The following CAMSAP3 variants were observed in gnomAD, a reference collection of about 807,000 sequenced individuals.
CAMSAP3 encodes the protein calmodulin-regulated spectrin-associated protein 3.
Under a neutral mutation model 112.5 loss-of-function variants are expected in CAMSAP3, and 34 were observed. The observed-to-expected ratio is 0.30, with a 90% CI of 0.23 to 0.40. The LOEUF is 0.40. Ranked by LOEUF, CAMSAP3 falls within the 10% of genes least tolerant of loss-of-function variation. The probability of loss-of-function intolerance (pLI) is 1.00; values close to 1 mark genes in which losing one functional copy is unlikely to be tolerated. For missense variants in CAMSAP3, 1,602 were observed against 1,770.3 expected, an observed-to-expected ratio of 0.90 and a Z score of 1.71; for synonymous variants, 868 against 799.8, an observed-to-expected ratio of 1.09 and a Z score of -1.44.
At chr19:7,606,136 G>GGCCCCCCCCCCCCCCCCCCC in intron 2 of CAMSAP3, 135 bp from the exon 3 acceptor site, 1 of 511,798 alleles carries the variant, frequency 2.0e-6, no homozygotes. Flanking sequence ...TGAACCACTG[G>GGCCCCCCCCCCCCCCCCCCC]CCCCGCCCCC....
intron 2 of CAMSAP3, among the ~76,000 whole-genome samples, chr19:7,605,836 C>A (rs142763943): frequency 6.7e-6 from 1 of 149,982 alleles, no homozygotes; most frequent in Non-Finnish European, 1.5e-5. Flanking sequence ...CCCTTAAGCT[C>A]TGTCCATCAA....
intron 1 of CAMSAP3, among the ~76,000 whole-genome samples, chr19:7,602,618 A>T (rs907031744): frequency 4.0e-5 from 6 of 151,118 alleles, no homozygotes; most frequent in African/African-American, 1.5e-4. Flanking sequence ...GGGGGCAGGG[A>T]GGAGGGGAGG....
rs927429440 is a variant in CAMSAP3 at position 7,610,387 on chromosome 19, C to T, written c.761-89C>T. Reference sequence around the variant, plus strand: ...GAAGCTGGGCTCATAGGAGGTCTTCCGTGTGTGGGGGACTGCTGGTCCCTG... The same window carrying T: ...GAAGCTGGGCTCATAGGAGGTCTTCTGTGTGTGGGGGACTGCTGGTCCCTG... On this transcript the variant is annotated intron_variant, in intron 5 of 16. Coordinates refer to ENST00000160298, the MANE Select transcript of CAMSAP3 (RefSeq NM_020902.2). This position sits in a 1 kb window ranked among gnomAD's most constrained non-coding sequence, Gnocchi z 4.9. 36 of 1,231,620 alleles carry T rather than the reference C, an allele frequency of 2.9e-5. No homozygotes were observed. The highest frequency in any genetic ancestry group is 1.3e-4 in the Admixed American group (6 of 44,574). The allele number at this position is 1,231,620 out of a possible 1,614,324, so 76.3% of individuals were successfully genotyped here. A position where few individuals can be genotyped will look rare whatever the true frequency, so the allele number is the denominator to read the frequency against.
intron 2 of CAMSAP3, 120 bp from the exon 3 acceptor site, chr19:7,606,151 G>GCCCC (rs1294171342): frequency 1.2e-3 from 190 of 153,274 alleles, no homozygotes; most frequent in African/African-American, 2.0e-3. Flanking sequence ...GCCCCCTCAA[G>GCCCC]CCCCACCCCC....
intron 13 of CAMSAP3, among the ~76,000 whole-genome samples, chr19:7,616,243 G>A (rs117986665): frequency 0.018 from 2,812 of 152,128 alleles, 141 homozygotes; most frequent in Admixed American, 0.12. Flanking sequence ...GGTGCAGTGG[G>A]ATGAGGGGTC....
chr19:7,604,362 A>G (rs1488472399), intron 1 of CAMSAP3, among the ~76,000 whole-genome samples: 1 of 151,834 alleles, frequency 6.6e-6, no homozygotes, highest in Non-Finnish European at 1.5e-5. Flanking sequence ...ATGTGACCTC[A>G]CCATCTCTCT....
chr19:7,610,836 G>A lies in CAMSAP3; in HGVS notation c.995-41G>A, dbSNP rs768518573. On this transcript the variant is annotated intron_variant, in intron 7 of 16. Transcript: ENST00000160298. This position sits in a 1 kb window ranked among gnomAD's most constrained non-coding sequence, Gnocchi z 4.9. ...TGGGGGCCGGGTCGGGGGCGGGTGG[G>A]AGAGCCAAACCCCCGCCTGACCCTC... The A allele has an allele frequency of 1.2e-6, 2 of 1,600,228 alleles. No individual in the cohort carries two copies. The highest frequency in any genetic ancestry group is 1.7e-6 in the Non-Finnish European group (2 of 1,170,474).
intron 1 of CAMSAP3, among the ~76,000 whole-genome samples, chr19:7,601,892 C>G (rs1214327262): frequency 6.6e-6 from 1 of 151,140 alleles, no homozygotes. Context: ...GGTGAAACCC[C>G]ATCTCTACTA....
Position 7,615,415 on chromosome 19 carries a change from C to A in CAMSAP3, c.2811-3C>A. Reference sequence around the variant, plus strand: ...TCTGATGCCGATTCCCTGTGATCTGCAGGCTGGCCCAAGAGGAGGCCCCGG... The same window carrying A: ...TCTGATGCCGATTCCCTGTGATCTGAAGGCTGGCCCAAGAGGAGGCCCCGG... On this transcript the variant is annotated splice_region_variant and splice_polypyrimidine_tract_variant and intron_variant, in intron 12 of 16. Coordinates refer to ENST00000160298, the MANE Select transcript of CAMSAP3 (RefSeq NM_020902.2). The surrounding 1 kb of genome is among the most constrained non-coding windows in gnomAD (Gnocchi z 6.5). 1 of 1,540,194 alleles carries A rather than the reference C, an allele frequency of 6.5e-7. No homozygotes were observed. Among genetic ancestry groups the A allele is most frequent in the East Asian group, 2.4e-5 (1 of 40,854 alleles).
chr19:7,607,966 G>T lies in CAMSAP3; in HGVS notation c.622-160G>T. The T allele has an allele frequency of 1.1e-6, 1 of 897,710 alleles. No individual in the cohort carries two copies. Among genetic ancestry groups the T allele is most frequent in the Non-Finnish European group, 1.8e-6 (1 of 562,758 alleles). The allele number at this position is 897,710 out of a possible 1,614,324, so 55.6% of individuals were successfully genotyped here. ...GACATCTCCTCTGCCTCTTGCTGCT[G>T]CCCCTCCCCTGCTCCAGGCTGGCCC... On this transcript the variant is annotated intron_variant, in intron 4 of 16. Coordinates refer to ENST00000160298, the MANE Select transcript of CAMSAP3 (RefSeq NM_020902.2). This position sits in a 1 kb window ranked among gnomAD's most constrained non-coding sequence, Gnocchi z 4.9.
chr19:7,612,262 C>A lies in CAMSAP3; in HGVS notation c.1769C>A (p.Pro590Gln). Residue 590 changes from proline to glutamine, a missense_variant, in exon 11 of 17, where the codon CCG becomes CAG. Pro to Gln is a moderately conservative substitution (Grantham distance 76). Coordinates refer to ENST00000160298, the MANE Select transcript of CAMSAP3 (RefSeq NM_020902.2). ...EAGAGSPTSTPAPPEALSSEM... is the reference protein window; with the variant it reads ...EAGAGSPTSTQAPPEALSSEM... Reference sequence around the variant, plus strand: ...GGAGCGGGGTCCCCCACGTCCACTCCGGCCCCGCCGGAGGCCCTGAGCTCG... The same window carrying A: ...GGAGCGGGGTCCCCCACGTCCACTCAGGCCCCGCCGGAGGCCCTGAGCTCG... 6.3e-7 allele frequency: 1 copy of A among 1,590,986 alleles called. No individual in the cohort carries two copies. Among genetic ancestry groups the A allele is most frequent in the East Asian group, 2.3e-5 (1 of 43,528 alleles).
chr19:7,610,142 C>T lies in CAMSAP3; in HGVS notation c.761-334C>T, dbSNP rs1345723527. On this transcript the variant is annotated intron_variant, in intron 5 of 16. Transcript: ENST00000160298. This position sits in a 1 kb window ranked among gnomAD's most constrained non-coding sequence, Gnocchi z 4.9. ...GACCATCCTGGCTAACACGGTGAAA[C>T]CCCATCTCTACTAAAACCACAAAAA... 6.6e-6 allele frequency among the ~76,000 whole-genome samples: 1 copy of T among 151,976 alleles called. No homozygotes were observed. The highest frequency in any genetic ancestry group is 1.9e-4 in the East Asian group (1 of 5,188).
chr19:7,614,055 A>G (rs1328983634), intron 11 of CAMSAP3, among the ~76,000 whole-genome samples: 1 of 151,848 alleles, frequency 6.6e-6, no homozygotes, highest in Non-Finnish European at 1.5e-5. Context: ...AGGTCAGGAG[A>G]TCGAGACCAT....
In CAMSAP3 at chr19:7,595,870, G is replaced by A. The variant is rs2024423478; in HGVS notation, c.-133G>A. 1 of 321,292 alleles carries A rather than the reference G, an allele frequency of 3.1e-6. No homozygotes were observed. The highest frequency in any genetic ancestry group is 4.4e-6 in the Non-Finnish European group (1 of 228,814). 19.9% of individuals were successfully genotyped at this position (321,292 alleles called of 1,614,324 possible). A position where few individuals can be genotyped will look rare whatever the true frequency, so the allele number is the denominator to read the frequency against. ...TCGCCAGCGCAAGCGGCCGCACCTG[G>A]CTCAGCAGCGGCGGCGGCGGCGGCG... is the stretch of plus-strand genomic sequence containing the variant. On this transcript the variant is annotated 5_prime_UTR_variant, in exon 1 of 17. Transcript: ENST00000160298.
At position 7,615,640 on chromosome 19, in the gene CAMSAP3, C is replaced by T; in HGVS notation, c.3033C>T (p.Gly1011=). Residue 1011 remains glycine (G), a synonymous_variant, in exon 13 of 17, where the codon GGC becomes GGT. Coordinates refer to ENST00000160298, the MANE Select transcript of CAMSAP3 (RefSeq NM_020902.2). This position sits in a 1 kb window ranked among gnomAD's most constrained non-coding sequence, Gnocchi z 6.5. ...RAAGSGGPGR[G]GRRATRPRSG... is the part of the protein sequence containing the mutation. ...CGGGGTCCGGGGGTCCAGGTCGGGG[C>T]GGGCGGAGGGCCACCCGGCCTCGCT... is the stretch of plus-strand genomic sequence containing the variant. The T allele has an allele frequency of 3.5e-6, 5 of 1,431,424 alleles. No homozygotes were observed. Among genetic ancestry groups the T allele is most frequent in the Non-Finnish European group, 4.6e-6 (5 of 1,096,636 alleles). The allele number at this position is 1,431,424 out of a possible 1,614,324, so 88.7% of individuals were successfully genotyped here. A position where few individuals can be genotyped will look rare whatever the true frequency, so the allele number is the denominator to read the frequency against.
At chr19:7,596,246 G>A in intron 1 of CAMSAP3, 96 bp downstream of exon 1, 2 of 652,212 alleles carry the variant, frequency 3.1e-6, no homozygotes, top group South Asian at 6.7e-5. Flanking sequence ...GCAGGGGGCC[G>A]TGGGAACAAT....
chr19:7,616,466 G>A, intron 13 of CAMSAP3, 57 bp from the exon 14 acceptor site: 1 of 1,215,076 alleles, frequency 8.2e-7, no homozygotes, highest in Non-Finnish European at 1.2e-6. Context: ...TGCTGGACCG[G>A]GTGTTGTGGA....
At position 7,607,787 on chromosome 19, in the gene CAMSAP3, TC is replaced by T; in HGVS notation, c.622-334del. 5 of 862,464 alleles carry T rather than the reference TC, an allele frequency of 5.8e-6. No homozygotes were observed. Among genetic ancestry groups the T allele is most frequent in the South Asian group, 2.0e-5 (1 of 49,554 alleles). The allele number at this position is 862,464 out of a possible 1,614,324, so 53.4% of individuals were successfully genotyped here. ...TGGGGGCCCAGCAGGTCAGCACCCC[TC>T]CCCCTTGCTGATGGCTGCTCCTCTC... On this transcript the variant is annotated intron_variant, in intron 4 of 16. Transcript: ENST00000160298. This position sits in a 1 kb window ranked among gnomAD's most constrained non-coding sequence, Gnocchi z 4.9.
At chr19:7,604,912 G>T (rs2030127478) in intron 1 of CAMSAP3, among the ~76,000 whole-genome samples, 1 of 152,108 alleles carries the variant, frequency 6.6e-6, no homozygotes, top group Non-Finnish European at 1.5e-5. Flanking sequence ...AGTCCAGCTG[G>T]CCTGGTATTG....
Sources: allele counts gnomAD v4.1 joint callset (sites outside exome capture counted in the v4.1 genomes callset), GRCh38; gene constraint gnomAD v4.1.1; non-coding constraint Gnocchi (gnomAD v3.1); transcripts MANE v1.5; gene names NCBI Gene and HGNC (gene_info 2026-07-23, HGNC 2026-07-21).